BCKDHB: variants seen among roughly 807,000 people sequenced by gnomAD.
BCKDHB encodes the protein 2-oxoisovalerate dehydrogenase subunit beta, mitochondrial.
A neutral mutation model predicts 48.5 loss-of-function variants in BCKDHB; 41 were observed. That is an observed-to-expected ratio of 0.85 (90% CI 0.66 to 1.10). The LOEUF (loss-of-function observed/expected upper bound fraction) is 1.10. Ranked by LOEUF, BCKDHB falls within the 50% of genes least tolerant of loss-of-function variation. The pLI, the probability that BCKDHB is intolerant of heterozygous loss-of-function variation, is 0.00. For synonymous variants in BCKDHB, 201 were observed against 174.8 expected (o/e 1.15, Z -1.18); for missense variants, 496 against 494.2 (o/e 1.00, Z -0.03).
intron 8 of BCKDHB, among the ~76,000 whole-genome samples, chr6:80,224,532 A>G (rs879357978): frequency 2.0e-5 from 3 of 152,046 alleles, no homozygotes; most frequent in African/African-American, 4.8e-5. Context: ...AGCTGGTACT[A>G]TAGGTGCACA....
the BCKDHB span, among the ~76,000 whole-genome samples, chr6:80,362,414 C>G: frequency 6.6e-6 from 1 of 152,146 alleles, no homozygotes; most frequent in Non-Finnish European, 1.5e-5. Flanking sequence ...GCTTAATGAG[C>G]TGCTCAGTGT....
rs142036880 is a variant in BCKDHB, at chr6:80,128,655, C to T, written c.275-506C>T. 2.0e-5 allele frequency among the ~76,000 whole-genome samples: 3 copies of T among 152,250 alleles called. 1 individual carries two copies. The highest frequency in any genetic ancestry group is 4.4e-5 in the Non-Finnish European group (3 of 68,006). On this transcript the variant is annotated intron_variant, in intron 2 of 9. Transcript: ENST00000320393. ...GTATGCTGTGTCTCAGGAAAAACCA[C>T]AGGCCTGGAAGTCTGGAGCATGAGT...
At chr6:80,206,138 A>G (rs962977809) in intron 8 of BCKDHB, among the ~76,000 whole-genome samples, 2 of 152,108 alleles carry the variant, frequency 1.3e-5, no homozygotes, top group Non-Finnish European at 2.9e-5. Flanking sequence ...ATGAAGTGAC[A>G]AAGACCCATC....
chr6:80,448,126 G>A, the BCKDHB span, among the ~76,000 whole-genome samples: 4 of 152,124 alleles, frequency 2.6e-5, no homozygotes, highest in African/African-American at 9.7e-5. Flanking sequence ...AGATGACTGA[G>A]TGGTACAGAC....
the BCKDHB span, among the ~76,000 whole-genome samples, chr6:80,461,260 A>G: frequency 6.6e-6 from 1 of 152,070 alleles, no homozygotes; most frequent in Admixed American, 6.5e-5. Context: ...CATAAATGCT[A>G]CCACCTAGTT....
intron 3 of BCKDHB, among the ~76,000 whole-genome samples, chr6:80,139,332 C>T (rs1275459534): frequency 7.9e-5 from 12 of 151,900 alleles, no homozygotes; most frequent in Non-Finnish European, 1.5e-5. Flanking sequence ...TCAATTTTGT[C>T]TTTTGTTGCC....
chr6:80,121,751 TG>T (rs1770032539), intron 1 of BCKDHB, among the ~76,000 whole-genome samples: 2 of 152,216 alleles, frequency 1.3e-5, no homozygotes, highest in Admixed American at 1.3e-4. Context: ...AAGGAGATTT[TG>T]GGCTGAGACG....
the BCKDHB span, among the ~76,000 whole-genome samples, chr6:80,389,817 A>G: frequency 0.017 from 2,588 of 152,250 alleles, 68 homozygotes; most frequent in African/African-American, 0.058. Context: ...TGAATCAGCA[A>G]CCAATATATA....
the BCKDHB span, among the ~76,000 whole-genome samples, chr6:80,429,352 C>T: frequency 8.6e-5 from 13 of 152,042 alleles, no homozygotes; most frequent in African/African-American, 2.4e-4. Context: ...CTTGGCTATG[C>T]GAGCTGTTTT....
the BCKDHB span, among the ~76,000 whole-genome samples, chr6:80,353,395 T>C: frequency 2.0e-5 from 3 of 152,242 alleles, no homozygotes; most frequent in Admixed American, 6.5e-5. Flanking sequence ...TGCATAGATA[T>C]CCAGTAGTGT....
intron 1 of BCKDHB, among the ~76,000 whole-genome samples, chr6:80,116,122 T>C (rs1769691420): frequency 6.6e-6 from 1 of 152,222 alleles, no homozygotes; most frequent in Non-Finnish European, 1.5e-5. Flanking sequence ...TATTTATTTC[T>C]GGAGATTGCT....
chr6:80,121,645 A>G (rs901384639), intron 1 of BCKDHB, among the ~76,000 whole-genome samples: 12 of 152,170 alleles, frequency 7.9e-5, no homozygotes, highest in African/African-American at 2.4e-4. Flanking sequence ...GAGTTCACTC[A>G]TGATTTGGCT....
downstream of BCKDHB, among the ~76,000 whole-genome samples, chr6:80,346,438 T>C (rs768648268): frequency 1.3e-5 from 2 of 152,162 alleles, no homozygotes; most frequent in African/African-American, 2.4e-5. Flanking sequence ...ACCAGGATGG[T>C]TATATGTTGA....
intron 8 of BCKDHB, among the ~76,000 whole-genome samples, chr6:80,263,501 C>T (rs1019434771): frequency 2.0e-5 from 3 of 151,964 alleles, no homozygotes; most frequent in African/African-American, 7.2e-5. Context: ...TACTCCAGCA[C>T]TTTTTTGAGT....
chr6:80,116,104 C>G (rs1409046060), intron 1 of BCKDHB, among the ~76,000 whole-genome samples: 5 of 152,174 alleles, frequency 3.3e-5, no homozygotes, highest in Non-Finnish European at 7.3e-5. Context: ...GTGCTCTGCT[C>G]TTGGCCTTAT....
At chr6:80,290,418 C>T (rs566353413) in intron 9 of BCKDHB, among the ~76,000 whole-genome samples, 6 of 152,326 alleles carry the variant, frequency 3.9e-5, no homozygotes, top group African/African-American at 1.4e-4. Flanking sequence ...TCCCCCAAGG[C>T]CCAGGAGCAG....
chr6:80,306,053 C>T (rs530966474), intron 9 of BCKDHB, among the ~76,000 whole-genome samples: 8 of 152,240 alleles, frequency 5.3e-5, no homozygotes, highest in African/African-American at 1.9e-4. Context: ...ATATGGCTAT[C>T]GTGAAGATTA....
At chr6:80,181,647 C>T (rs548005919) in intron 6 of BCKDHB, among the ~76,000 whole-genome samples, 17 of 152,270 alleles carry the variant, frequency 1.1e-4, no homozygotes, top group Admixed American at 3.9e-4. Flanking sequence ...TATCACCCTG[C>T]GGGCTGGCTC....
Position 80,189,365 on chromosome 6 carries a change from T to A in BCKDHB, c.743-11569T>A, listed in dbSNP as rs1006664256. Among the ~76,000 whole-genome samples, 6 of 152,298 alleles carry A rather than the reference T, an allele frequency of 3.9e-5. 1 individual carries two copies. In the South Asian group the frequency reaches 1.0e-3, roughly 26 times the overall value. The stretch of plus-strand genomic sequence containing the variant: ...CTCACTTGACCCTTACTTATTCTCT[T>A]TGGTGATAAGAGTGTTTTCACTTTT... On this transcript the variant is annotated intron_variant, in intron 6 of 9. Coordinates refer to ENST00000320393, the MANE Select transcript of BCKDHB (RefSeq NM_183050.4).
Sources: gnomAD v4.1 joint callset for allele counts (sites outside exome capture counted in the v4.1 genomes callset) on GRCh38, gnomAD v4.1.1 for gene constraint, MANE v1.5 for transcripts, NCBI Gene and HGNC (gene_info 2026-07-23, HGNC 2026-07-21) for gene names.